The following CCR5AS variants were observed in gnomAD, a reference collection of about 807,000 sequenced individuals.
CCR5AS encodes the protein CCR5 antisense RNA.
At chr3:46,375,782 T>G (rs1701747910) in intron 2 of CCR5AS, 1 of 166,800 alleles carries the variant, frequency 6.0e-6, no homozygotes, top group African/African-American at 2.4e-5. Context: ...TTTGGGTATA[T>G]TCATTTCAAA....
chr3:46,373,270 C>T, intron 2 of CCR5AS: 1 of 1,614,178 alleles, frequency 6.2e-7, no homozygotes, highest in Non-Finnish European at 8.5e-7. Flanking sequence ...ATCCTCCTGA[C>T]AATCGATAGG....
At chr3:46,374,027 C>A (rs1701716817) in intron 2 of CCR5AS, 2 of 1,242,610 alleles carry the variant, frequency 1.6e-6, no homozygotes, top group Non-Finnish European at 1.1e-6. Flanking sequence ...CATACACAGC[C>A]TGGGCTGGGG....
In CCR5AS at chr3:46,384,330, T is replaced by G. The variant is rs1053766987; in HGVS notation, n.391+8495A>C. ...TGGTGCCATGTTGTCTGTTCCTTAC[T>G]GTACACGTGGTTGACAAAGAAAAGG... On this transcript the variant is annotated intron_variant and non_coding_transcript_variant, in intron 2 of 3. Coordinates refer to ENST00000451485, the Ensembl canonical transcript of CCR5AS. Among the ~76,000 whole-genome samples the G allele has an allele frequency of 3.9e-5, 6 of 152,254 alleles. 1 individual carries two copies. Among genetic ancestry groups the G allele is most frequent in the Admixed American group, 6.5e-5 (1 of 15,292 alleles).
intron 1 of CCR5AS, among the ~76,000 whole-genome samples, chr3:46,399,786 T>A (rs924498645): frequency 2.0e-5 from 3 of 152,140 alleles, no homozygotes; most frequent in Non-Finnish European, 4.4e-5. Context: ...TGAGATCATT[T>A]CCTGAGAGTA....
intron 2 of CCR5AS, among the ~76,000 whole-genome samples, chr3:46,384,165 A>G (rs997392873): frequency 3.9e-5 from 6 of 152,246 alleles, no homozygotes; most frequent in African/African-American, 1.4e-4. Context: ...GGCATTTTAT[A>G]GACGAGCTTG....
chr3:46,372,051 G>T (rs1701668617), intron 2 of CCR5AS, among the ~76,000 whole-genome samples: 1 of 152,202 alleles, frequency 6.6e-6, no homozygotes, highest in African/African-American at 2.4e-5. Context: ...CAAGGTCCTT[G>T]TCTGCAAAAT....
intron 2 of CCR5AS, among the ~76,000 whole-genome samples, chr3:46,378,004 G>A (rs538901157): frequency 6.6e-6 from 1 of 152,218 alleles, no homozygotes; most frequent in South Asian, 2.1e-4. Flanking sequence ...CACTGTGCCC[G>A]GCCAACAAAT....
exon 3 of CCR5AS, chr3:46,371,244 C>T (rs779986604): frequency 3.9e-5 from 6 of 152,170 alleles, no homozygotes; most frequent in African/African-American, 4.8e-5. Flanking sequence ...CAATCCTTAC[C>T]TCTCAAAAGA....
intron 2 of CCR5AS, among the ~76,000 whole-genome samples, chr3:46,385,887 C>T (rs1412333365): frequency 6.6e-6 from 1 of 151,908 alleles, no homozygotes; most frequent in Non-Finnish European, 1.5e-5. Context: ...ACTACAGGCG[C>T]CCACCACAAC....
intron 2 of CCR5AS, chr3:46,373,081 G>T (rs1300330603): frequency 6.2e-7 from 1 of 1,614,034 alleles, no homozygotes; most frequent in African/African-American, 1.3e-5. Flanking sequence ...AACTGCAAAA[G>T]GCTGAAGAGC....
At chr3:46,384,638 C>T (rs989894124) in intron 2 of CCR5AS, among the ~76,000 whole-genome samples, 16 of 152,112 alleles carry the variant, frequency 1.1e-4, no homozygotes, top group Non-Finnish European at 2.4e-4. Context: ...ATGAGTTATC[C>T]AATCCAAGGA....
intron 1 of CCR5AS, among the ~76,000 whole-genome samples, chr3:46,406,541 A>C (rs1383333844): frequency 6.6e-6 from 1 of 151,758 alleles, no homozygotes; most frequent in Non-Finnish European, 1.5e-5. Flanking sequence ...CCCCAGCCTC[A>C]GTTTGGGGTT....
intron 2 of CCR5AS, among the ~76,000 whole-genome samples, chr3:46,380,595 A>G (rs565234192): frequency 6.6e-6 from 1 of 152,298 alleles, no homozygotes; most frequent in Non-Finnish European, 1.5e-5. Context: ...GTGGGTCTGG[A>G]GTGGGCTCCA....
At chr3:46,371,263 CAG>C (rs1222668650) in exon 3 of CCR5AS, 2 of 152,244 alleles carry the variant, frequency 1.3e-5, no homozygotes, top group African/African-American at 2.4e-5. Flanking sequence ...GAAAGATTTG[CAG>C]AGAGATGAGT....
At chr3:46,400,651 T>C (rs928798257) in intron 1 of CCR5AS, among the ~76,000 whole-genome samples, 1 of 152,166 alleles carries the variant, frequency 6.6e-6, no homozygotes, top group African/African-American at 2.4e-5. Flanking sequence ...GGAGTTGAGT[T>C]AATGAGCTGA....
chr3:46,366,371 A>C (rs1701597633), intron 3 of CCR5AS, among the ~76,000 whole-genome samples: 1 of 152,210 alleles, frequency 6.6e-6, no homozygotes, highest in African/African-American at 2.4e-5. Flanking sequence ...TTAAGATCAC[A>C]GTGAGTCTAT....
At chr3:46,372,152 G>C (rs774812350) in intron 2 of CCR5AS, among the ~76,000 whole-genome samples, 1 of 152,168 alleles carries the variant, frequency 6.6e-6, no homozygotes, top group African/African-American at 2.4e-5. Flanking sequence ...CATCCAGTAT[G>C]TGCCCTCGAG....
intron 1 of CCR5AS, among the ~76,000 whole-genome samples, chr3:46,400,546 A>T (rs1328918310): frequency 6.6e-6 from 1 of 152,242 alleles, no homozygotes; most frequent in African/African-American, 2.4e-5. Context: ...AAAAGTTGTC[A>T]TCAGAAAAGT....
At chr3:46,379,935 A>T (rs972712423) in intron 2 of CCR5AS, among the ~76,000 whole-genome samples, 1 of 150,632 alleles carries the variant, frequency 6.6e-6, no homozygotes, top group Non-Finnish European at 1.5e-5. Context: ...TAAATAAATA[A>T]ATAGTAAATG....
Sources: gnomAD v4.1 joint callset for allele counts (sites outside exome capture counted in the v4.1 genomes callset) on GRCh38, gnomAD v4.1.1 for gene constraint, MANE v1.5 for transcripts, NCBI Gene and HGNC (gene_info 2026-07-23, HGNC 2026-07-21) for gene names.